The following DIAPH2 variants were observed in gnomAD, a reference collection of about 807,000 sequenced individuals.
DIAPH2 encodes the protein diaphanous related formin 2.
In DIAPH2, 35 loss-of-function variants were observed where a neutral mutation model predicts 92.7. That is an observed-to-expected ratio of 0.38 (90% CI 0.29 to 0.50). The LOEUF (loss-of-function observed/expected upper bound fraction) is 0.50, where lower values mean the gene tolerates loss of function less well. Ranked by LOEUF, DIAPH2 falls within the 20% of genes least tolerant of loss-of-function variation. The probability of loss-of-function intolerance (pLI) is 0.94; values close to 1 mark genes in which losing one functional copy is unlikely to be tolerated. For synonymous variants in DIAPH2, 301 were observed against 280.4 expected, an observed-to-expected ratio of 1.07 and a Z score of -0.73; for missense variants, 701 against 819.5, an observed-to-expected ratio of 0.86 and a Z score of 1.77.
chrX:97,585,334 CTT>C (rs781008968), intron 26 of DIAPH2, among the ~76,000 whole-genome samples: 29 of 105,914 alleles, frequency 2.7e-4, no homozygotes, highest in African/African-American at 8.3e-4. Context: ...ACATTGGGCT[CTT>C]TTAGAACAGA....
chrX:97,027,596 A>G (rs1340667675), intron 17 of DIAPH2, among the ~76,000 whole-genome samples: 4 of 112,240 alleles, frequency 3.6e-5, no homozygotes, highest in East Asian at 2.8e-4. Context: ...CAGCTGGGCT[A>G]TTGTCTTGGA....
At chrX:97,033,774 A>G (rs1463438382) in intron 17 of DIAPH2, among the ~76,000 whole-genome samples, 1 of 111,511 alleles carries the variant, frequency 9.0e-6, no homozygotes, top group African/African-American at 3.2e-5. Flanking sequence ...AAAACTATAT[A>G]TGTTCCATCT....
intron 25 of DIAPH2, among the ~76,000 whole-genome samples, chrX:97,397,003 TATAA>T (rs1453354052): frequency 8.9e-6 from 1 of 112,155 alleles, no homozygotes; most frequent in Non-Finnish European, 1.9e-5. Flanking sequence ...TTTCTTTTTT[TATAA>T]ATAGTCAATC....
intron 17 of DIAPH2, among the ~76,000 whole-genome samples, chrX:97,016,452 G>A (rs985661619): frequency 8.9e-6 from 1 of 112,150 alleles, no homozygotes; most frequent in African/African-American, 3.2e-5. Context: ...GAAAGAATCA[G>A]CCTTCTTTAT....
chrX:97,262,611 C>T (rs749491998), intron 23 of DIAPH2, among the ~76,000 whole-genome samples: 16 of 111,571 alleles, frequency 1.4e-4, no homozygotes, highest in African/African-American at 5.2e-4. Context: ...GGGAGGTTGT[C>T]GGGGTGATGA....
At chrX:97,441,434 A>G (rs1362788251) in intron 26 of DIAPH2, among the ~76,000 whole-genome samples, 1 of 111,554 alleles carries the variant, frequency 9.0e-6, no homozygotes, top group African/African-American at 3.3e-5. Context: ...TCATCACTTC[A>G]TATGAATCTT....
intron 9 of DIAPH2, among the ~76,000 whole-genome samples, chrX:96,928,388 T>TTA (rs1408554989): frequency 9.0e-6 from 1 of 111,449 alleles, no homozygotes; most frequent in Non-Finnish European, 1.9e-5. Flanking sequence ...TTTGTCATGT[T>TTA]TATAATTAAG....
intron 17 of DIAPH2, among the ~76,000 whole-genome samples, chrX:97,007,148 TGTA>T (rs1267823812): frequency 8.9e-6 from 1 of 111,884 alleles, no homozygotes; most frequent in African/African-American, 3.2e-5. Context: ...GAAAAATTGT[TGTA>T]GTTATTATTT....
At chrX:97,566,391 C>A (rs1203778040) in intron 26 of DIAPH2, among the ~76,000 whole-genome samples, 1 of 111,558 alleles carries the variant, frequency 9.0e-6, no homozygotes, top group Non-Finnish European at 1.9e-5. Context: ...GATCCAAACA[C>A]ATAGAAGGTG....
At chrX:97,434,346 A>T (rs1051706629) in intron 26 of DIAPH2, among the ~76,000 whole-genome samples, 1 of 110,701 alleles carries the variant, frequency 9.0e-6, no homozygotes, top group African/African-American at 3.3e-5. Context: ...GGAGTAGTCA[A>T]GAGGCAAAGA....
chrX:97,116,447 G>A (rs2067017393), intron 21 of DIAPH2, among the ~76,000 whole-genome samples: 1 of 111,787 alleles, frequency 8.9e-6, no homozygotes, highest in Non-Finnish European at 1.9e-5. Context: ...AGGGAATAAG[G>A]CAGTGCTTGT....
At chrX:97,594,725 T>C (rs904937239) in intron 26 of DIAPH2, among the ~76,000 whole-genome samples, 11 of 112,374 alleles carry the variant, frequency 9.8e-5, no homozygotes, top group African/African-American at 3.2e-4. Flanking sequence ...AGCCTACTAA[T>C]TGGCATTAAA....
intron 26 of DIAPH2, among the ~76,000 whole-genome samples, chrX:97,583,923 G>A (rs1156346659): frequency 1.8e-5 from 2 of 112,428 alleles, no homozygotes; most frequent in Non-Finnish European, 3.8e-5. Context: ...TCGGGTGGGA[G>A]TGACCCGATT....
intron 17 of DIAPH2, among the ~76,000 whole-genome samples, chrX:97,061,709 G>A (rs962149849): frequency 9.3e-6 from 1 of 106,967 alleles, no homozygotes; most frequent in African/African-American, 3.4e-5. Flanking sequence ...AGCTACTCAG[G>A]AGGCTGACAC....
chrX:96,700,990 C>T (rs1020969787), intron 1 of DIAPH2, among the ~76,000 whole-genome samples: 2 of 111,882 alleles, frequency 1.8e-5, no homozygotes, highest in African/African-American at 6.5e-5. Flanking sequence ...AAGTTGAAGC[C>T]GTTAGGTGTA....
At chrX:97,452,502 G>A (rs1783443809) in intron 26 of DIAPH2, among the ~76,000 whole-genome samples, 1 of 111,626 alleles carries the variant, frequency 9.0e-6, no homozygotes, top group African/African-American at 3.2e-5. Context: ...ACCATCCTTA[G>A]AAATGACTGT....
At chrX:96,948,601 A>C (rs1321165491) in intron 14 of DIAPH2, among the ~76,000 whole-genome samples, 1 of 112,028 alleles carries the variant, frequency 8.9e-6, no homozygotes, top group East Asian at 2.8e-4. Flanking sequence ...ATATTTTTAA[A>C]ATTATTAATT....
At chrX:96,895,511 A>G (rs1221784659) in intron 5 of DIAPH2, among the ~76,000 whole-genome samples, 2 of 112,013 alleles carry the variant, frequency 1.8e-5, no homozygotes, top group Non-Finnish European at 3.8e-5. Flanking sequence ...ATGTTCCACT[A>G]TTTAAAATAA....
Position 97,075,185 on chromosome X carries a change from A to G in DIAPH2, c.2171A>G (p.Tyr724Cys). The G allele has an allele frequency of 1.7e-6, 2 of 1,186,991 alleles. No homozygotes were observed. Among genetic ancestry groups the G allele is most frequent in the African/African-American group, 1.8e-5 (1 of 56,748 alleles). ...AQNLSIFLGSYRMPYEDIRNV... is the reference protein window; with the variant it reads ...AQNLSIFLGSCRMPYEDIRNV... The stretch of plus-strand genomic sequence containing the variant: ...ATTTTAGCCATCTTTCTGGGATCAT[A>G]TCGCATGCCATATGAAGACATAAGA... The change falls in exon 19 of 27, where the codon TAT (tyrosine) becomes TGT (cysteine). Residue 724 changes from tyrosine to cysteine, a missense_variant. Tyr to Cys is a radical substitution (Grantham distance 194). Around this residue, in one of 3 missense-constraint regions of DIAPH2, gnomAD observed 536 missense variants for 599.3 expected, o/e 0.89. Coordinates refer to ENST00000324765, the MANE Select transcript of DIAPH2 (RefSeq NM_006729.5).
Sources: gnomAD v4.1 joint callset for allele counts (sites outside exome capture counted in the v4.1 genomes callset) on GRCh38, gnomAD v4.1.1 for gene constraint, gnomAD v4.1.1 regional missense constraint, MANE v1.5 for transcripts, NCBI Gene and HGNC (gene_info 2026-07-23, HGNC 2026-07-21) for gene names.